The following DNA2 variants were observed in gnomAD, a reference collection of about 807,000 sequenced individuals.
The protein encoded by DNA2 is DNA replication helicase/nuclease 2.
DNA2 carries 101 observed loss-of-function variants against 119.1 expected under a neutral mutation model. That is an observed-to-expected ratio of 0.85 (90% CI 0.72 to 1.00). The LOEUF is 1.00. DNA2 is among the 50% of genes least tolerant of loss of function. The pLI is 0.00. For missense variants in DNA2, 1,121 were observed against 1,255.5 expected, an observed-to-expected ratio of 0.89 and a Z score of 1.62; for synonymous variants, 366 against 424.4, an observed-to-expected ratio of 0.86 and a Z score of 1.69.
In DNA2 at chr10:68,414,963, G is replaced by T; in HGVS notation, c.*76C>A. On this transcript the variant is annotated 3_prime_UTR_variant, in exon 21 of 21. Transcript: ENST00000358410. The stretch of plus-strand genomic sequence containing the variant: ...ATAAATACTGCATTAAATTTTGTAT[G>T]GTGATAGAATTTTCTGTATGGGCAC... 1.1e-6 allele frequency: 1 copy of T among 899,052 alleles called. No individual in the cohort carries two copies. Among genetic ancestry groups the T allele is most frequent in the South Asian group, 1.8e-5 (1 of 54,622 alleles). The allele number at this position is 899,052 out of a possible 1,614,324, so 55.7% of individuals were successfully genotyped here.
In DNA2 at chr10:68,471,836, A is replaced by T; in HGVS notation, c.29T>A (p.Leu10Gln). ...CTCCTCCCAAAAACTCTTCTCCATCAGCAGCTCCAGTTCGTTCAGCTGCTC... is the reference window on the plus strand; with the variant it reads ...CTCCTCCCAAAAACTCTTCTCCATCTGCAGCTCCAGTTCGTTCAGCTGCTC... MEQLNELELLMEKSFWEEAE... is the reference protein window; with the variant it reads MEQLNELELQMEKSFWEEAE... Residue 10 changes from leucine (L) to glutamine (Q), a missense_variant, in exon 1 of 21, where the codon CTG becomes CAG. Leu to Gln is a moderately radical substitution (Grantham distance 113). Transcript: ENST00000358410. The T allele has an allele frequency of 6.2e-7, 1 of 1,612,884 alleles. No individual in the cohort carries two copies. Among genetic ancestry groups the T allele is most frequent in the South Asian group, 1.1e-5 (1 of 90,974 alleles).
At chr10:68,467,418 G>A (rs912923557) in intron 3 of DNA2, among the ~76,000 whole-genome samples, 1 of 148,674 alleles carries the variant, frequency 6.7e-6, no homozygotes, top group African/African-American at 2.5e-5. Context: ...CCCAAAATAC[G>A]TTTTTTTTTT....
chr10:68,428,146 T>G (rs1026912083), intron 14 of DNA2, among the ~76,000 whole-genome samples: 2 of 151,574 alleles, frequency 1.3e-5, no homozygotes, highest in East Asian at 3.9e-4. Flanking sequence ...GCTAACATGA[T>G]GAAACCCCAT....
intron 9 of DNA2, among the ~76,000 whole-genome samples, chr10:68,442,398 GT>G (rs1590061567): frequency 7.0e-6 from 1 of 142,160 alleles, no homozygotes; most frequent in Non-Finnish European, 1.5e-5. Context: ...TTTTGTTTTT[GT>G]TTTTTTGTGA....
At chr10:68,452,482 C>A (rs1313638886) in intron 5 of DNA2, among the ~76,000 whole-genome samples, 2 of 152,068 alleles carry the variant, frequency 1.3e-5, no homozygotes, top group African/African-American at 4.8e-5. Flanking sequence ...TGAAATGTCA[C>A]ATGTATACCT....
chr10:68,426,182 T>C (rs184451460), intron 14 of DNA2, among the ~76,000 whole-genome samples: 20 of 151,902 alleles, frequency 1.3e-4, no homozygotes, highest in African/African-American at 3.9e-4. Context: ...GTTCTTAGAC[T>C]TGAGACCAAA....
chr10:68,460,846 G>T (rs1299239037), intron 4 of DNA2, among the ~76,000 whole-genome samples: 1 of 151,864 alleles, frequency 6.6e-6, no homozygotes, highest in Non-Finnish European at 1.5e-5. Flanking sequence ...AAAAGTTTGA[G>T]GTTACGTGAC....
upstream of DNA2, chr10:68,472,051 C>A (rs375513383): frequency 2.4e-4 from 388 of 1,600,682 alleles, no homozygotes; most frequent in Non-Finnish European, 3.1e-4. Flanking sequence ...TGGGGCCCCT[C>A]ACCTGAGCAG....
At chr10:68,463,725 CATA>C (rs1027519819) in intron 4 of DNA2, among the ~76,000 whole-genome samples, 4 of 151,474 alleles carry the variant, frequency 2.6e-5, no homozygotes, top group African/African-American at 9.7e-5. Flanking sequence ...AAGGGAGCAC[CATA>C]ATAACACATT....
Position 68,432,482 on chromosome 10 carries a change from A to C in DNA2, c.1675T>G (p.Leu559Val), listed in dbSNP as rs368159172. 1.2e-5 allele frequency: 19 copies of C among 1,570,902 alleles called. No homozygotes were observed. The highest frequency in any genetic ancestry group is 1.6e-5 in the Non-Finnish European group (19 of 1,158,420). The change falls in exon 11 of 21, where the codon TTG becomes GTG. Residue 559 changes from leucine to valine, a missense_variant. Leu to Val is a conservative substitution (Grantham distance 32). Transcript: ENST00000358410. The part of the protein sequence containing the change: ...RNLSVLPEST[L>V]FRLDQEEKNC... Reference sequence around the variant, plus strand: ...TTTTCTTCTTGGTCTAATCTGAACAAAGTTGATTCTGGAAGGACCGACAAG... The same window carrying C: ...TTTTCTTCTTGGTCTAATCTGAACACAGTTGATTCTGGAAGGACCGACAAG...
At position 68,419,792 on chromosome 10, in the gene DNA2, T is replaced by G; in HGVS notation, c.2787+11A>C. 6.3e-7 allele frequency: 1 copy of G among 1,599,936 alleles called. No homozygotes were observed. The highest frequency in any genetic ancestry group is 1.1e-5 in the South Asian group (1 of 90,744). ...CTTTAATATTTGCTAGCCTTGAAAA[T>G]TCTAAATTACCTTAACAAAAATGGA... On this transcript the variant is annotated intron_variant, in intron 18 of 20. Transcript: ENST00000358410.
intron 6 of DNA2, among the ~76,000 whole-genome samples, chr10:68,447,566 A>C (rs1004171809): frequency 1.5e-4 from 23 of 150,140 alleles, no homozygotes; most frequent in African/African-American, 2.5e-5. Context: ...ATGTGCGTCC[A>C]TAGTCCCAGC....
At position 68,442,986 on chromosome 10, in the gene DNA2, G is replaced by T. The variant is rs201624435; in HGVS notation, c.1346C>A (p.Thr449Asn). The change falls in exon 9 of 21, where the codon ACC becomes AAC. Residue 449 changes from threonine (T) to asparagine (N), a missense_variant. Thr to Asn is a moderately conservative substitution (Grantham distance 65). Transcript: ENST00000358410. ...ATTATCCTTCGATTGTGACTCCAGGGTTAACATTAGACACCAAAGGCTGAA... is the reference window on the plus strand; with the variant it reads ...ATTATCCTTCGATTGTGACTCCAGGTTTAACATTAGACACCAAAGGCTGAA... Reference protein sequence around the residue: ...EYFSLWCLMLTLESQSKDNKK... With the variant: ...EYFSLWCLMLNLESQSKDNKK... 1 of 1,612,520 alleles carries T rather than the reference G, an allele frequency of 6.2e-7. No homozygotes were observed. Among genetic ancestry groups the T allele is most frequent in the South Asian group, 1.1e-5 (1 of 90,718 alleles).
At chr10:68,420,450 T>C (rs1219408614) in intron 17 of DNA2, among the ~76,000 whole-genome samples, 2 of 152,120 alleles carry the variant, frequency 1.3e-5, no homozygotes, top group African/African-American at 2.4e-5. Flanking sequence ...GGAAGGAGAA[T>C]TGCTTGAATC....
chr10:68,424,242 G>A (rs896698302), intron 14 of DNA2, among the ~76,000 whole-genome samples: 3 of 152,116 alleles, frequency 2.0e-5, no homozygotes, highest in African/African-American at 7.2e-5. Context: ...AGTGGCTCAC[G>A]CCTGTAATCC....
At chr10:68,460,203 C>A (rs769369241) in intron 4 of DNA2, among the ~76,000 whole-genome samples, 11 of 151,820 alleles carry the variant, frequency 7.2e-5, no homozygotes, top group Non-Finnish European at 1.3e-4. Flanking sequence ...GCCTTATAGG[C>A]TCAAGTGATT....
At position 68,416,844 on chromosome 10, in the gene DNA2, G is replaced by T. The variant is rs752215051; in HGVS notation, c.2979C>A (p.Leu993=). The change falls in exon 20 of 21, where the codon CTC becomes CTA. Residue 993 remains leucine, a synonymous_variant. Transcript: ENST00000358410. The part of the protein sequence containing the change: ...RSNKDGTVGE[L]LKDWRRLNVA... ...CATTAAGACGTCGCCAATCTTTCAA[G>T]AGTTCACCAACCTGTAAGAAATATA... 24 of 1,607,914 alleles carry T rather than the reference G, an allele frequency of 1.5e-5. No homozygotes were observed. Among genetic ancestry groups the T allele is most frequent in the Non-Finnish European group, 1.7e-5 (20 of 1,177,378 alleles).
At chr10:68,433,036 G>A (rs2051842629) in intron 10 of DNA2, among the ~76,000 whole-genome samples, 1 of 152,050 alleles carries the variant, frequency 6.6e-6, no homozygotes. Context: ...TCTCCTACCT[G>A]GTTCCTCACC....
Position 68,446,602 on chromosome 10 carries a change from C to CATTA in DNA2, c.940-190_940-189insTAAT, listed in dbSNP as rs747100005. ...TGTCAAACATTTAATCTAGGCCAGG[C>CATTA]ATGGTGGCTCAGGCCTGCAATCCCA... is the stretch of plus-strand genomic sequence containing the variant. On this transcript the variant is annotated intron_variant, in intron 6 of 20. Coordinates refer to ENST00000358410, the MANE Select transcript of DNA2 (RefSeq NM_001080449.3). Among the ~76,000 whole-genome samples the CATTA allele has an allele frequency of 1.3e-4, 20 of 152,220 alleles. 1 individual carries two copies. In the East Asian group the frequency reaches 3.7e-3, roughly 28 times the overall value.
Sources: gnomAD v4.1 joint callset for allele counts (sites outside exome capture counted in the v4.1 genomes callset) on GRCh38, gnomAD v4.1.1 for gene constraint, MANE v1.5 for transcripts, NCBI Gene and HGNC (gene_info 2026-07-23, HGNC 2026-07-21) for gene names.